The following HNF1B variants were observed in gnomAD, a reference collection of about 807,000 sequenced individuals.
HNF1B encodes hepatocyte nuclear factor 1-beta.
Under a neutral mutation model 61.7 loss-of-function variants are expected in HNF1B, and 8 were observed. The observed-to-expected ratio is 0.13, with a 90% CI of 0.08 to 0.23. The LOEUF (loss-of-function observed/expected upper bound fraction) is 0.23. Ranked by LOEUF, HNF1B falls within the 10% of genes least tolerant of loss-of-function variation. The probability of loss-of-function intolerance (pLI) is 1.00; values close to 1 mark genes in which losing one functional copy is unlikely to be tolerated. For synonymous variants in HNF1B, 314 were observed against 287.7 expected, an observed-to-expected ratio of 1.09 and a Z score of -0.93; for missense variants, 562 against 714.5, an observed-to-expected ratio of 0.79 and a Z score of 2.43.
At chr17:37,716,842 ATCTCTCTCTCTCTCTC>A (rs55634127) in intron 4 of HNF1B, among the ~76,000 whole-genome samples, 430 of 131,250 alleles carry the variant, frequency 3.3e-3, no homozygotes, top group Middle Eastern at 7.8e-3. Flanking sequence ...CACTTTAACA[ATCTCTCTCTCTCTCTC>A]TCTCTCTCTC....
intron 4 of HNF1B, chr17:37,730,721 T>G (rs1293465325): frequency 2.0e-5 from 3 of 152,270 alleles, no homozygotes; most frequent in African/African-American, 7.2e-5. Flanking sequence ...GCAAGCCCTT[T>G]TCTTGGAGCA....
chr17:37,732,752 C>T (rs891501152), intron 3 of HNF1B, among the ~76,000 whole-genome samples: 11 of 152,152 alleles, frequency 7.2e-5, no homozygotes, highest in Admixed American at 4.6e-4. Context: ...GCAGGAGGAT[C>T]GCTTAAGCCC....
intron 4 of HNF1B, among the ~76,000 whole-genome samples, chr17:37,722,277 G>A (rs2033342326): frequency 6.6e-6 from 1 of 152,228 alleles, no homozygotes; most frequent in South Asian, 2.1e-4. Flanking sequence ...AAGTTTCTGA[G>A]TCAATTCAAT....
chr17:37,728,310 G>GTT (rs548097922), intron 4 of HNF1B, among the ~76,000 whole-genome samples: 35 of 139,372 alleles, frequency 2.5e-4, no homozygotes, highest in African/African-American at 8.6e-4. Flanking sequence ...CCCACAGAGC[G>GTT]TTTTTTTTTT....
intron 4 of HNF1B, among the ~76,000 whole-genome samples, chr17:37,723,191 C>G (rs1395163899): frequency 6.7e-6 from 1 of 149,112 alleles, no homozygotes; most frequent in Non-Finnish European, 1.5e-5. Flanking sequence ...AAAAAAAATA[C>G]AAAAAATTAG....
intron 4 of HNF1B, among the ~76,000 whole-genome samples, chr17:37,716,354 C>G (rs34452928): frequency 6.6e-6 from 1 of 152,016 alleles, no homozygotes; most frequent in Non-Finnish European, 1.5e-5. Context: ...CCCACCACCA[C>G]GCTCAGCTAA....
Position 37,744,926 on chromosome 17 carries a change from GT to G in HNF1B, c.-43del. 8.8e-7 allele frequency: 1 copy of G among 1,141,550 alleles called. No individual in the cohort carries two copies. 70.7% of individuals were successfully genotyped at this position (1,141,550 alleles called of 1,614,324 possible). ...AAGAAGGGGGTGAGGGGGTGGGTGGGTGCGAGAGAGGAGGGTGGAGGGGAGT... is the reference window on the plus strand; with the variant it reads ...AAGAAGGGGGTGAGGGGGTGGGTGGGGCGAGAGAGGAGGGTGGAGGGGAGT... On this transcript the variant is annotated 5_prime_UTR_variant, in exon 1 of 9. Coordinates refer to ENST00000617811, the MANE Select transcript of HNF1B (RefSeq NM_000458.4).
At chr17:37,719,724 C>T (rs2033244964) in intron 4 of HNF1B, among the ~76,000 whole-genome samples, 1 of 152,228 alleles carries the variant, frequency 6.6e-6, no homozygotes, top group Admixed American at 6.5e-5. Context: ...GACTGAGCCA[C>T]TGGGTGTCCA....
At chr17:37,710,323 C>A (rs950277382) in intron 5 of HNF1B, among the ~76,000 whole-genome samples, 180 bp downstream of exon 5, 1 of 152,242 alleles carries the variant, frequency 6.6e-6, no homozygotes, top group East Asian at 1.9e-4. Context: ...CCGAACACCT[C>A]TTCTACCCGC....
At chr17:37,705,180 C>A in intron 5 of HNF1B, 131 bp from the exon 6 acceptor site, 1 of 1,009,134 alleles carries the variant, frequency 9.9e-7, no homozygotes, top group South Asian at 1.4e-5. Context: ...CACTCAATAA[C>A]AATTATTGGC....
intron 8 of HNF1B, among the ~76,000 whole-genome samples, chr17:37,694,245 T>C (rs1020788393): frequency 6.6e-6 from 1 of 152,088 alleles, no homozygotes; most frequent in Admixed American, 6.5e-5. Context: ...CTGGCCAACA[T>C]GGTGAATCCC....
At position 37,701,060 on chromosome 17, in the gene HNF1B, A is replaced by G; in HGVS notation, c.1457T>C (p.Leu486Pro). The G allele has an allele frequency of 6.4e-7, 1 of 1,555,168 alleles. No homozygotes were observed. The highest frequency in any genetic ancestry group is 8.7e-7 in the Non-Finnish European group (1 of 1,149,018). ...QQLHSPHQQP[L>P]MQQSPGSHMA... is the part of the protein sequence containing the mutation. ...GTGGCTGCCTGGGCTCTGCTGCATG[A>G]GGGGCTGCTGGTGAGGGCTGTGCAG... The change falls in exon 7 of 9, where the codon CTC becomes CCC. Residue 486 changes from leucine (L) to proline (P), a missense_variant. By Grantham distance (98) the Leu-to-Pro change is moderately conservative (BLOSUM62 -3). Coordinates refer to ENST00000617811, the MANE Select transcript of HNF1B (RefSeq NM_000458.4).
At chr17:37,707,236 C>T (rs906404285) in intron 5 of HNF1B, among the ~76,000 whole-genome samples, 2 of 151,984 alleles carry the variant, frequency 1.3e-5, no homozygotes, top group East Asian at 3.8e-4. Flanking sequence ...TCACCTCAAC[C>T]TCTGGAGTAG....
intron 1 of HNF1B, 95 bp downstream of exon 1, chr17:37,744,446 G>T: frequency 7.7e-7 from 1 of 1,297,430 alleles, no homozygotes. Context: ...GTGGGAAACG[G>T]GCTTGGCGAG....
intron 1 of HNF1B, among the ~76,000 whole-genome samples, chr17:37,742,828 A>G (rs540466626): frequency 6.6e-6 from 1 of 151,190 alleles, no homozygotes; most frequent in Non-Finnish European, 1.5e-5. Flanking sequence ...CCCGCGCCAG[A>G]GCGGTGAGGC....
intron 1 of HNF1B, 32 bp from the exon 2 acceptor site, chr17:37,739,671 G>A (rs1202570488): frequency 2.6e-6 from 4 of 1,543,650 alleles, no homozygotes; most frequent in Non-Finnish European, 3.6e-6. Flanking sequence ...TAGGGTACTA[G>A]TGGGAGACAT....
intron 8 of HNF1B, among the ~76,000 whole-genome samples, chr17:37,695,665 C>T (rs907187937): frequency 1.3e-5 from 2 of 152,228 alleles, no homozygotes; most frequent in African/African-American, 4.8e-5. Flanking sequence ...GGATGTGGGA[C>T]ATGGAATCAA....
chr17:37,739,337 T>C (rs1213345951), intron 2 of HNF1B, 103 bp downstream of exon 2: 1 of 1,058,038 alleles, frequency 9.5e-7, no homozygotes, highest in African/African-American at 1.6e-5. Context: ...ATCTGCCAAG[T>C]GCTCACAAGG....
intron 4 of HNF1B, among the ~76,000 whole-genome samples, chr17:37,726,939 G>T (rs2033518904): frequency 6.6e-6 from 1 of 152,108 alleles, no homozygotes; most frequent in Non-Finnish European, 1.5e-5. Flanking sequence ...TGGGAGAGCG[G>T]AGGCTGATGA....
Sources: allele counts gnomAD v4.1 joint callset (sites outside exome capture counted in the v4.1 genomes callset), GRCh38; gene constraint gnomAD v4.1.1; transcripts MANE v1.5; gene names NCBI Gene and HGNC (gene_info 2026-07-23, HGNC 2026-07-21).